The following ANKRD24 variants were observed in gnomAD, a reference collection of about 807,000 sequenced individuals.
ANKRD24 encodes ankyrin repeat domain-containing protein 24.
In ANKRD24, 109 loss-of-function variants were observed where a neutral mutation model predicts 127.8. The observed-to-expected ratio is 0.85, with a 90% CI of 0.73 to 1.00. The LOEUF (loss-of-function observed/expected upper bound fraction) is 1.00, where lower values mean the gene tolerates loss of function less well. ANKRD24 is among the 50% of genes least tolerant of loss of function. ANKRD24 has a pLI of 0.00. For missense variants in ANKRD24, 1,648 were observed against 1,570.2 expected, an observed-to-expected ratio of 1.05 and a Z score of -0.84; for synonymous variants, 743 against 671.1, an observed-to-expected ratio of 1.11 and a Z score of -1.66.
At chr19:4,192,957 A>T (rs538031454) in intron 2 of ANKRD24, among the ~76,000 whole-genome samples, 1 of 151,822 alleles carries the variant, frequency 6.6e-6, no homozygotes, top group Admixed American at 6.6e-5. Context: ...AAATAAAAAT[A>T]AAAAATGAGA....
At chr19:4,215,682 G>A (rs1484901567) in intron 15 of ANKRD24, among the ~76,000 whole-genome samples, 2 of 151,904 alleles carry the variant, frequency 1.3e-5, no homozygotes, top group Non-Finnish European at 2.9e-5. Flanking sequence ...GGCTGAGGTG[G>A]GAGGATTGTT....
In ANKRD24 at chr19:4,195,230, GC is replaced by G. The variant is rs1316044149; in HGVS notation, c.37-4450del. Among the ~76,000 whole-genome samples the G allele has an allele frequency of 6.6e-6, 1 of 151,930 alleles. No individual in the cohort carries two copies. The highest frequency in any genetic ancestry group is 1.5e-5 in the Non-Finnish European group (1 of 67,986). On this transcript the variant is annotated intron_variant, in intron 2 of 21. Coordinates refer to ENST00000318934, the MANE Select transcript of ANKRD24 (RefSeq NM_001393985.1). This position sits in a 1 kb window ranked among gnomAD's most constrained non-coding sequence, Gnocchi z 4.2. ...TGGGACTACAGGCGCCCACCACCAC[GC>G]CCGGCTAATTTTTTGTATTTTTAGT...
intron 7 of ANKRD24, among the ~76,000 whole-genome samples, chr19:4,204,772 G>A (rs1417991683): frequency 6.6e-6 from 1 of 152,208 alleles, no homozygotes; most frequent in African/African-American, 2.4e-5. Context: ...TGCAGTTGGA[G>A]TATGCTGCCA....
chr19:4,208,022 TCC>T, intron 10 of ANKRD24, 54 bp downstream of exon 10: 1 of 1,408,806 alleles, frequency 7.1e-7, no homozygotes, highest in Non-Finnish European at 9.3e-7. Flanking sequence ...TTCTTGTCAC[TCC>T]CCTTCTCTTT....
At chr19:4,202,287 G>C (rs1969135284) in intron 6 of ANKRD24, among the ~76,000 whole-genome samples, 197 bp downstream of exon 6, 1 of 152,082 alleles carries the variant, frequency 6.6e-6, no homozygotes, top group Non-Finnish European at 1.5e-5. Context: ...GTACTCCCAA[G>C]CCAGGCGCGG....
In ANKRD24 at chr19:4,198,363, C is replaced by CGGGACCGGGCGGGA; in HGVS notation, c.37-1317_37-1316insACCGGGCGGGAGGG. 1 of 26,590 alleles carries CGGGACCGGGCGGGA rather than the reference C, an allele frequency of 3.8e-5. No homozygotes were observed. The highest frequency in any genetic ancestry group is 6.8e-5 in the Non-Finnish European group (1 of 14,616). 1.6% of individuals were successfully genotyped at this position (26,590 alleles called of 1,614,324 possible). ...ACCAGGGAGGGCGGGACCGGGCGGG[C>CGGGACCGGGCGGGA]GGGCGGGGCGGGGAGCTCCGGCAGC... On this transcript the variant is annotated intron_variant, in intron 2 of 21. Transcript: ENST00000318934. The surrounding 1 kb of genome is among the most constrained non-coding windows in gnomAD (Gnocchi z 6.1).
rs542173105 is a variant in ANKRD24, at chr19:4,195,680, G to A, written c.37-4003G>A. Among the ~76,000 whole-genome samples, 9 of 152,126 alleles carry A rather than the reference G, an allele frequency of 5.9e-5. No individual in the cohort carries two copies. The highest frequency in any genetic ancestry group is 3.4e-3 in the Middle Eastern group (1 of 294). ...TGAGAGGCCAAGGCAGGTGGATCAC[G>A]AGGTCAGAGTTCAAGACCAGCCTGG... is the stretch of plus-strand genomic sequence containing the variant. On this transcript the variant is annotated intron_variant, in intron 2 of 21. Transcript: ENST00000318934. This position sits in a 1 kb window ranked among gnomAD's most constrained non-coding sequence, Gnocchi z 4.2.
chr19:4,183,435 T>C, intron 1 of ANKRD24: 2 of 799,340 alleles, frequency 2.5e-6, no homozygotes, highest in Non-Finnish European at 3.0e-6. Context: ...GGTGGTACCA[T>C]CTATGCCCTG....
rs1969423972 is a variant in ANKRD24, at chr19:4,207,038, A to G, written c.467-204A>G. 5.1e-6 allele frequency: 3 copies of G among 589,350 alleles called. No individual in the cohort carries two copies. The East Asian group carries it at 8.6e-5, about 17-fold the overall frequency. 36.5% of individuals were successfully genotyped at this position (589,350 alleles called of 1,614,324 possible). On this transcript the variant is annotated intron_variant, in intron 7 of 21. Transcript: ENST00000318934. ...CTCCCGCTTCAGCTGGGGACTCCCTAGTAGCTGGGGCCACAGACACACACC... is the reference window on the plus strand; with the variant it reads ...CTCCCGCTTCAGCTGGGGACTCCCTGGTAGCTGGGGCCACAGACACACACC...
chr19:4,215,860 C>T lies in ANKRD24; in HGVS notation c.1198-118C>T. 6 of 740,040 alleles carry T rather than the reference C, an allele frequency of 8.1e-6. No homozygotes were observed. The South Asian group carries it at 1.1e-4, about 14-fold the overall frequency. The allele number at this position is 740,040 out of a possible 1,614,324, so 45.8% of individuals were successfully genotyped here. On this transcript the variant is annotated intron_variant, in intron 15 of 21. Transcript: ENST00000318934. ...ATCCTTGTGGGCCAAATGCAGCCAT[C>T]TGGTGCTCGTGGGAGACATACAGGT...
At chr19:4,212,437 G>T in intron 13 of ANKRD24, 38 bp from the exon 14 acceptor site, 4 of 1,569,564 alleles carry the variant, frequency 2.5e-6, no homozygotes, top group Non-Finnish European at 3.5e-6. Flanking sequence ...GAGGCCTCTT[G>T]CCCAGATCCA....
At chr19:4,213,913 G>A (rs1391941086) in intron 15 of ANKRD24, among the ~76,000 whole-genome samples, 2 of 152,130 alleles carry the variant, frequency 1.3e-5, no homozygotes, top group South Asian at 2.1e-4. Flanking sequence ...GGGATTACAG[G>A]TATGAGCCAC....
intron 5 of ANKRD24, 73 bp from the exon 6 acceptor site, chr19:4,201,953 T>C: frequency 2.2e-6 from 3 of 1,333,936 alleles, no homozygotes; most frequent in Non-Finnish European, 3.2e-6. Context: ...CACAAGTAGT[T>C]GACATGGCTT....
intron 2 of ANKRD24, among the ~76,000 whole-genome samples, chr19:4,190,312 G>A (rs1968313280): frequency 6.6e-6 from 1 of 152,008 alleles, no homozygotes; most frequent in Non-Finnish European, 1.5e-5. Flanking sequence ...GCGGGCGCCT[G>A]TAGTCCCAGC....
chr19:4,206,853 A>C (rs1969413317), intron 7 of ANKRD24, among the ~76,000 whole-genome samples: 1 of 152,150 alleles, frequency 6.6e-6, no homozygotes, highest in African/African-American at 2.4e-5. Context: ...AAGTGCCCAG[A>C]AAATGTCGAA....
In ANKRD24 at chr19:4,216,538, T is replaced by C; in HGVS notation, c.1390-12T>C. On this transcript the variant is annotated splice_polypyrimidine_tract_variant and intron_variant, in intron 17 of 21. Coordinates refer to ENST00000318934, the MANE Select transcript of ANKRD24 (RefSeq NM_001393985.1). ...CTCCTGCCAGACTCCTGCCCCCCAC[T>C]CCACTCCCCAGATCCTGGAGAACTT... is the stretch of plus-strand genomic sequence containing the variant. 1 of 1,596,446 alleles carries C rather than the reference T, an allele frequency of 6.3e-7. No individual in the cohort carries two copies. Among genetic ancestry groups the C allele is most frequent in the Non-Finnish European group, 8.5e-7 (1 of 1,170,218 alleles).
At chr19:4,193,221 G>C (rs1213281341) in intron 2 of ANKRD24, among the ~76,000 whole-genome samples, 3 of 145,210 alleles carry the variant, frequency 2.1e-5, no homozygotes, top group Non-Finnish European at 4.5e-5. Flanking sequence ...AGAATCGCTT[G>C]AATCCGGGAG....
At chr19:4,220,304 T>C (rs1970374030) in intron 19 of ANKRD24, among the ~76,000 whole-genome samples, 1 of 152,124 alleles carries the variant, frequency 6.6e-6, no homozygotes, top group Non-Finnish European at 1.5e-5. Flanking sequence ...GCTTACTGCA[T>C]GCCAGGCCCT....
intron 2 of ANKRD24, among the ~76,000 whole-genome samples, chr19:4,188,345 G>A (rs1474778561): frequency 6.7e-6 from 1 of 148,488 alleles, no homozygotes; most frequent in African/African-American, 2.5e-5. Context: ...CCAAAATGCT[G>A]GGATTACAGG....
Sources: gnomAD v4.1 joint callset for allele counts (sites outside exome capture counted in the v4.1 genomes callset) on GRCh38, gnomAD v4.1.1 for gene constraint, Gnocchi (gnomAD v3.1) non-coding constraint, MANE v1.5 for transcripts, NCBI Gene and HGNC (gene_info 2026-07-23, HGNC 2026-07-21) for gene names.